The following HTR2C variants were observed in gnomAD, a reference collection of about 807,000 sequenced individuals.
The protein encoded by HTR2C is 5-hydroxytryptamine receptor 2C.
In HTR2C, 5 loss-of-function variants were observed where a neutral mutation model predicts 21.0. The ratio of observed to expected loss-of-function variants is 0.24; its 90% CI spans 0.12 to 0.50. The LOEUF is 0.50. Among genes scored for constraint, HTR2C ranks in the 20% least tolerant of loss-of-function variants. The probability of loss-of-function intolerance (pLI) is 0.98; values close to 1 mark genes in which losing one functional copy is unlikely to be tolerated. For synonymous variants in HTR2C, 150 were observed against 145.3 expected, an observed-to-expected ratio of 1.03 and a Z score of -0.23; for missense variants, 271 against 371.2, an observed-to-expected ratio of 0.73 and a Z score of 2.22.
intron 4 of HTR2C, among the ~76,000 whole-genome samples, chrX:114,799,648 T>G (rs1336228742): frequency 2.7e-5 from 3 of 110,813 alleles, no homozygotes; most frequent in Non-Finnish European, 5.7e-5. Context: ...AGTATAGACT[T>G]GAATTCAGCA....
At chrX:114,758,357 T>C (rs2069833901) in intron 4 of HTR2C, among the ~76,000 whole-genome samples, 1 of 109,792 alleles carries the variant, frequency 9.1e-6, no homozygotes, top group African/African-American at 3.3e-5. Flanking sequence ...AGACCAAAAT[T>C]TGGGAACAGC....
intron 4 of HTR2C, among the ~76,000 whole-genome samples, chrX:114,800,384 A>C (rs1556446466): frequency 9.0e-6 from 1 of 111,061 alleles, no homozygotes; most frequent in Non-Finnish European, 1.9e-5. Flanking sequence ...AAGTAGAGGA[A>C]GACTGAAGGC....
At position 114,791,783 on chromosome X, in the gene HTR2C, G is replaced by A. The variant is rs1044851785; in HGVS notation, c.350-56220G>A. ...AACACACAGACACACACACACACAC[G>A]CACACACACAAAAAGAACTATTATC... On this transcript the variant is annotated intron_variant, in intron 4 of 5. Coordinates refer to ENST00000276198, the MANE Select transcript of HTR2C (RefSeq NM_000868.4). Among the ~76,000 whole-genome samples, 12 of 109,733 alleles carry A rather than the reference G, an allele frequency of 1.1e-4. No individual in the cohort carries two copies. In the East Asian group the frequency reaches 2.6e-3, roughly 24 times the overall value.
chrX:114,613,181 C>T (rs1928816367), intron 1 of HTR2C, among the ~76,000 whole-genome samples: 3 of 110,869 alleles, frequency 2.7e-5, no homozygotes, highest in Admixed American at 1.9e-4. Flanking sequence ...TCAAGTGATC[C>T]GCCCACCTCG....
chrX:114,812,573 T>C (rs1280999975), intron 4 of HTR2C, among the ~76,000 whole-genome samples: 2 of 109,583 alleles, frequency 1.8e-5, no homozygotes, highest in Non-Finnish European at 3.8e-5. Flanking sequence ...CTACTAAAAC[T>C]ACGAAAATTA....
chrX:114,807,807 G>T (rs782067848), intron 4 of HTR2C, among the ~76,000 whole-genome samples: 1 of 109,306 alleles, frequency 9.1e-6, no homozygotes, highest in East Asian at 2.9e-4. Flanking sequence ...CCAGTAGCTG[G>T]GACTACAGGC....
intron 5 of HTR2C, among the ~76,000 whole-genome samples, chrX:114,865,198 A>G (rs2147504859): frequency 9.0e-6 from 1 of 111,635 alleles, no homozygotes; most frequent in East Asian, 2.8e-4. Flanking sequence ...ACTTAACATG[A>G]TTATTTGAGG....
At chrX:114,808,136 C>A (rs1199457759) in intron 4 of HTR2C, among the ~76,000 whole-genome samples, 2 of 110,248 alleles carry the variant, frequency 1.8e-5, no homozygotes, top group Non-Finnish European at 1.9e-5. Context: ...CCCTTCCCAG[C>A]CTCTGGTAAC....
intron 2 of HTR2C, among the ~76,000 whole-genome samples, chrX:114,677,565 A>AT (rs1408590087): frequency 7.2e-5 from 8 of 111,736 alleles, no homozygotes; most frequent in African/African-American, 2.6e-4. Context: ...TAAAAATGCC[A>AT]TTTTTTGTCA....
chrX:114,662,204 TATAAG>T (rs1328633668), intron 2 of HTR2C, among the ~76,000 whole-genome samples: 1 of 111,626 alleles, frequency 9.0e-6, no homozygotes, highest in African/African-American at 3.3e-5. Context: ...ATTTCACACT[TATAAG>T]AGAATGTTTA....
intron 2 of HTR2C, among the ~76,000 whole-genome samples, chrX:114,623,807 CTGTT>C (rs200494115): frequency 0.012 from 1,278 of 109,170 alleles, 28 homozygotes; most frequent in African/African-American, 0.04. Context: ...ATATTTTATA[CTGTT>C]TGTGTATTTA....
intron 2 of HTR2C, among the ~76,000 whole-genome samples, chrX:114,699,422 G>T (rs868943242): frequency 6.5e-4 from 72 of 111,269 alleles, no homozygotes; most frequent in African/African-American, 2.2e-3. Flanking sequence ...CAACAATATG[G>T]AATTGGTGTA....
intron 2 of HTR2C, among the ~76,000 whole-genome samples, chrX:114,670,944 C>T (rs1173098210): frequency 2.7e-5 from 3 of 111,796 alleles, no homozygotes; most frequent in African/African-American, 6.5e-5. Flanking sequence ...AAAGTTCATT[C>T]GTATTTAAGT....
At chrX:114,879,290 C>T (rs2071162458) in intron 5 of HTR2C, among the ~76,000 whole-genome samples, 1 of 108,444 alleles carries the variant, frequency 9.2e-6, no homozygotes. Flanking sequence ...AATTAATATA[C>T]ATACTATAAT....
At chrX:114,888,420 A>C (rs1374180002) in intron 5 of HTR2C, among the ~76,000 whole-genome samples, 1 of 111,897 alleles carries the variant, frequency 8.9e-6, no homozygotes, top group African/African-American at 3.2e-5. Context: ...TCAAGTAGAA[A>C]AGTAGAGTGC....
chrX:114,627,340 G>A (rs1199027971), intron 2 of HTR2C, among the ~76,000 whole-genome samples: 4 of 110,001 alleles, frequency 3.6e-5, no homozygotes, highest in African/African-American at 1.3e-4. Flanking sequence ...AAGAATGAGT[G>A]GACTAAGGTA....
At chrX:114,807,784 T>C (rs1556451195) in intron 4 of HTR2C, among the ~76,000 whole-genome samples, 5 of 109,587 alleles carry the variant, frequency 4.6e-5, no homozygotes, top group African/African-American at 1.0e-4. Context: ...GCGATTCTCC[T>C]GCCTCAGCCT....
intron 5 of HTR2C, among the ~76,000 whole-genome samples, chrX:114,905,395 C>CTCA (rs782485824): frequency 8.9e-6 from 1 of 112,061 alleles, no homozygotes; most frequent in East Asian, 2.8e-4. Context: ...GAAGCATTGA[C>CTCA]TCATTGTTTT....
intron 5 of HTR2C, among the ~76,000 whole-genome samples, chrX:114,878,363 A>G (rs182253048): frequency 2.5e-4 from 28 of 110,745 alleles, no homozygotes; most frequent in African/African-American, 9.1e-4. Flanking sequence ...TAGGAAATCA[A>G]TATTGTGAAA....
Sources: gnomAD v4.1 joint callset for allele counts (sites outside exome capture counted in the v4.1 genomes callset) on GRCh38, gnomAD v4.1.1 for gene constraint, MANE v1.5 for transcripts, NCBI Gene and HGNC (gene_info 2026-07-23, HGNC 2026-07-21) for gene names.